Variants in PCDHB12 observed in about 807,000 individuals in gnomAD.
PCDHB12 encodes protocadherin beta 12.
For missense variants in PCDHB12, 1,192 were observed against 998.2 expected (o/e 1.19, Z -2.62); for synonymous variants, 560 against 445.2 (o/e 1.26, Z -3.24).
Position 141,209,566 on chromosome 5 carries a change from C to A in PCDHB12, c.659C>A (p.Pro220His), listed in dbSNP as rs1554286688. The change falls in exon 1 of 1, where the codon CCT (proline) becomes CAT (histidine). Residue 220 changes from proline (P) to histidine (H), a missense_variant. Coordinates refer to ENST00000239450, the MANE Select transcript of PCDHB12 (RefSeq NM_018932.4). ...FILTALDGGSPPRSGTALVRV... is the reference protein window; with the variant it reads ...FILTALDGGSHPRSGTALVRV... ...CTCACTGCTCTGGATGGCGGGTCCC[C>A]TCCCAGGTCTGGAACTGCCTTGGTC... 5.0e-6 allele frequency: 8 copies of A among 1,614,148 alleles called. No homozygotes were observed. The highest frequency in any genetic ancestry group is 5.9e-6 in the Non-Finnish European group (7 of 1,180,044).
Position 141,210,239 on chromosome 5 carries a change from CAAT to C in PCDHB12, c.1333_1335del (p.Asn445del). Reference sequence around the variant, plus strand: ...ACATAACCGTGCTGGTCTCCGACGTCAATGACAACGCCCCCGCCTTCACCCAAA... The same window carrying C: ...ACATAACCGTGCTGGTCTCCGACGTCGACAACGCCCCCGCCTTCACCCAAA... On this transcript the variant is annotated inframe_deletion, in exon 1 of 1. Coordinates refer to ENST00000239450, the MANE Select transcript of PCDHB12 (RefSeq NM_018932.4). 6.2e-7 allele frequency: 1 copy of C among 1,614,194 alleles called. No individual in the cohort carries two copies. Among genetic ancestry groups the C allele is most frequent in the Non-Finnish European group, 8.5e-7 (1 of 1,180,030 alleles).
chr5:141,209,780 A>T lies in PCDHB12; in HGVS notation c.873A>T (p.Thr291=). ...ATGCCTCAGAAGATATTCGCAAGAC[A>T]TTTGAAATTAATCAAAAGTCTGGTG... ...FSHASEDIRK[T]FEINQKSGDI... The change falls in exon 1 of 1, where the codon ACA becomes ACT. Residue 291 remains threonine, a synonymous_variant. Transcript: ENST00000239450. The T allele has an allele frequency of 6.2e-7, 1 of 1,614,250 alleles. No homozygotes were observed. Among genetic ancestry groups the T allele is most frequent in the Non-Finnish European group, 8.5e-7 (1 of 1,180,040 alleles).
At position 141,210,907 on chromosome 5, in the gene PCDHB12, C is replaced by T. The variant is rs1754439389; in HGVS notation, c.2000C>T (p.Ser667Phe). 6.2e-7 allele frequency: 1 copy of T among 1,609,258 alleles called. No homozygotes were observed. The highest frequency in any genetic ancestry group is 8.5e-7 in the Non-Finnish European group (1 of 1,179,688). Reference protein sequence around the residue: ...TLHVLLVDGFSQPYLPLPEAA... With the variant: ...TLHVLLVDGFFQPYLPLPEAA... ...CACGTGCTCCTGGTGGACGGCTTCT[C>T]CCAGCCCTACCTGCCTCTCCCGGAG... The change falls in exon 1 of 1, where the codon TCC (serine) becomes TTC (phenylalanine). Residue 667 changes from serine to phenylalanine, a missense_variant. Ser to Phe is a radical substitution (Grantham distance 155). Transcript: ENST00000239450.
At position 141,210,557 on chromosome 5, in the gene PCDHB12, G is replaced by A; in HGVS notation, c.1650G>A (p.Leu550=). The part of the protein sequence containing the change: ...ALSSEALVRV[L]VLDANDNSPF... ...GCAGCGAGGCGCTGGTGCGCGTGCTGGTGCTGGACGCCAACGACAACTCGC... is the reference window on the plus strand; with the variant it reads ...GCAGCGAGGCGCTGGTGCGCGTGCTAGTGCTGGACGCCAACGACAACTCGC... Residue 550 remains leucine, a synonymous_variant, in exon 1 of 1, where the codon CTG becomes CTA. Coordinates refer to ENST00000239450, the MANE Select transcript of PCDHB12 (RefSeq NM_018932.4). 1 of 1,611,798 alleles carries A rather than the reference G, an allele frequency of 6.2e-7. No individual in the cohort carries two copies. Among genetic ancestry groups the A allele is most frequent in the South Asian group, 1.1e-5 (1 of 90,978 alleles).
Position 141,209,189 on chromosome 5 carries a change from G to A in PCDHB12, c.282G>A (p.Glu94=), listed in dbSNP as rs1554286610. 9 of 1,614,058 alleles carry A rather than the reference G, an allele frequency of 5.6e-6. No homozygotes were observed. Among genetic ancestry groups the A allele is most frequent in the Non-Finnish European group, 7.6e-6 (9 of 1,180,038 alleles). Reference sequence around the variant, plus strand: ...TGAGAGAAATGCTAGACAGGGAGGAGCTCTGTGGCTCCAATGAGCCTTGTG... The same window carrying A: ...TGAGAGAAATGCTAGACAGGGAGGAACTCTGTGGCTCCAATGAGCCTTGTG... ...LLLREMLDRE[E]LCGSNEPCVL... is the part of the protein sequence containing the mutation. The change falls in exon 1 of 1, where the codon GAG becomes GAA. Residue 94 remains glutamate (E), a synonymous_variant. Transcript: ENST00000239450.
At position 141,209,939 on chromosome 5, in the gene PCDHB12, T is replaced by C; in HGVS notation, c.1032T>C (p.Ala344=). 6.2e-7 allele frequency: 1 copy of C among 1,614,120 alleles called. No individual in the cohort carries two copies. Among genetic ancestry groups the C allele is most frequent in the South Asian group, 1.1e-5 (1 of 91,062 alleles). ...AGGTGATGGATGTAAACGACAACGC[T>C]CCTGAAATCACTGTGTCATCAATTA... is the stretch of plus-strand genomic sequence containing the variant. The part of the protein sequence containing the change: ...RIQVMDVNDN[A]PEITVSSITS... The change falls in exon 1 of 1, where the codon GCT becomes GCC. Residue 344 remains alanine, a synonymous_variant. Coordinates refer to ENST00000239450, the MANE Select transcript of PCDHB12 (RefSeq NM_018932.4).
Position 141,208,917 on chromosome 5 carries a change from G to C in PCDHB12, c.10G>C (p.Gly4Arg). Residue 4 changes from glycine (G) to arginine (R), a missense_variant, in exon 1 of 1, where the codon GGA becomes CGA. By Grantham distance (125) the Gly-to-Arg change is moderately radical. Coordinates refer to ENST00000239450, the MANE Select transcript of PCDHB12 (RefSeq NM_018932.4). MENGGAGTLQIRQV... is the reference protein window; with the variant it reads MENRGAGTLQIRQV... ...TTTTGGAAAAGAAGCTATGGAAAAC[G>C]GAGGGGCAGGCACTCTGCAGATAAG... 6.6e-7 allele frequency: 1 copy of C among 1,515,888 alleles called. No homozygotes were observed. The highest frequency in any genetic ancestry group is 8.8e-7 in the Non-Finnish European group (1 of 1,134,914). 93.9% of individuals were successfully genotyped at this position (1,515,888 alleles called of 1,614,324 possible).
In PCDHB12 at chr5:141,208,851, G is replaced by C; in HGVS notation, c.-57G>C. ...GATCAGAGGCACGTTTCCCACAACT[G>C]CGAAGAGGCGCTGAGGCAATTCTGC... is the stretch of plus-strand genomic sequence containing the variant. On this transcript the variant is annotated 5_prime_UTR_variant, in exon 1 of 1. Coordinates refer to ENST00000239450, the MANE Select transcript of PCDHB12 (RefSeq NM_018932.4). 6.8e-7 allele frequency: 1 copy of C among 1,460,042 alleles called. No homozygotes were observed. Among genetic ancestry groups the C allele is most frequent in the Non-Finnish European group, 9.2e-7 (1 of 1,088,794 alleles). The allele number at this position is 1,460,042 out of a possible 1,614,324, so 90.4% of individuals were successfully genotyped here.
In PCDHB12 at chr5:141,210,545, G is replaced by C. The variant is rs1554286975; in HGVS notation, c.1638G>C (p.Leu546=). The change falls in exon 1 of 1, where the codon CTG becomes CTC. Residue 546 remains leucine (L), a synonymous_variant. Transcript: ENST00000239450. ...CCCCGGCTTTGAGCAGCGAGGCGCT[G>C]GTGCGCGTGCTGGTGCTGGACGCCA... is the stretch of plus-strand genomic sequence containing the variant. ...HGSPALSSEA[L]VRVLVLDAND... 1.2e-6 allele frequency: 2 copies of C among 1,611,750 alleles called. No individual in the cohort carries two copies. Among genetic ancestry groups the C allele is most frequent in the Non-Finnish European group, 1.7e-6 (2 of 1,179,736 alleles).
rs142953283 is a variant in PCDHB12 at position 141,208,980 on chromosome 5, C to T, written c.73C>T (p.Gln25Ter). 4 of 1,591,994 alleles carry T rather than the reference C, an allele frequency of 2.5e-6. No individual in the cohort carries two copies. Among genetic ancestry groups the T allele is most frequent in the Admixed American group, 1.8e-5 (1 of 56,278 alleles). Residue 25 changes from glutamine to a stop codon, truncating the protein, a stop_gained, in exon 1 of 1, where the codon CAG becomes TAG. Coordinates refer to ENST00000239450, the MANE Select transcript of PCDHB12 (RefSeq NM_018932.4). LOFTEE classifies it low-confidence loss of function (END_TRUNC). ...LLFFVLLGMS[Q>*]AGSETGNFLV... ...TTTCTTTGTTTTGCTGGGAATGTCT[C>T]AGGCGGGCTCTGAAACTGGGAACTT...
Position 141,208,984 on chromosome 5 carries a change from CG to C in PCDHB12, c.80del (p.Gly27AlafsTer9), listed in dbSNP as rs1432932930. 5.0e-6 allele frequency: 8 copies of C among 1,594,640 alleles called. No homozygotes were observed. Among genetic ancestry groups the C allele is most frequent in the Non-Finnish European group, 6.0e-6 (7 of 1,171,978 alleles). Reference sequence around the variant, plus strand: ...TTTGTTTTGCTGGGAATGTCTCAGGCGGGCTCTGAAACTGGGAACTTTTTGG... The same window carrying C: ...TTTGTTTTGCTGGGAATGTCTCAGGCGGCTCTGAAACTGGGAACTTTTTGG... ...LFFVLLGMSQ[A>X]GSETGNFLVM... On this transcript the variant is annotated frameshift_variant, in exon 1 of 1. Transcript: ENST00000239450. LOFTEE classifies it low-confidence loss of function (END_TRUNC).
Position 141,209,432 on chromosome 5 carries a change from C to T in PCDHB12, c.525C>T (p.Asn175=), listed in dbSNP as rs191786599. ...NAVKSYTINP[N]SHFHVKIRVN... ...TAAAAAGCTACACAATAAATCCGAA[C>T]TCTCATTTCCACGTTAAAATAAGAG... Residue 175 remains asparagine (N), a synonymous_variant, in exon 1 of 1, where the codon AAC becomes AAT. Transcript: ENST00000239450. The T allele has an allele frequency of 1.1e-5, 17 of 1,614,240 alleles. No individual in the cohort carries two copies. The East Asian group carries it at 3.8e-4, about 36-fold the overall frequency.
In PCDHB12 at chr5:141,209,966, C is replaced by T. The variant is rs1554286780; in HGVS notation, c.1059C>T (p.Thr353=). ...CTGAAATCACTGTGTCATCAATTACCAGTCCAATCCCAGAAAACACTCCAG... is the reference window on the plus strand; with the variant it reads ...CTGAAATCACTGTGTCATCAATTACTAGTCCAATCCCAGAAAACACTCCAG... ...NAPEITVSSI[T]SPIPENTPET... is the part of the protein sequence containing the mutation. Residue 353 remains threonine, a synonymous_variant, in exon 1 of 1, where the codon ACC becomes ACT. Transcript: ENST00000239450. 1 of 1,614,172 alleles carries T rather than the reference C, an allele frequency of 6.2e-7. No homozygotes were observed. Among genetic ancestry groups the T allele is most frequent in the East Asian group, 2.2e-5 (1 of 44,888 alleles).
chr5:141,209,123 A>C lies in PCDHB12; in HGVS notation c.216A>C (p.Lys72Asn), dbSNP rs782237086. The C allele has an allele frequency of 2.5e-6, 4 of 1,614,184 alleles. No individual in the cohort carries two copies. In the South Asian group the frequency reaches 4.4e-5, roughly 18 times the overall value. Residue 72 changes from lysine to asparagine, a missense_variant, in exon 1 of 1, where the codon AAA becomes AAC. Physicochemically the swap from Lys to Asn is moderately conservative, Grantham distance 94. Coordinates refer to ENST00000239450, the MANE Select transcript of PCDHB12 (RefSeq NM_018932.4). Reference sequence around the variant, plus strand: ...CTCGGGTGGTTTCTAATGATAACAAAGAGTGTTTGCAGCTGGACACAAACA... The same window carrying C: ...CTCGGGTGGTTTCTAATGATAACAACGAGTGTTTGCAGCTGGACACAAACA... ...RGARVVSNDN[K>N]ECLQLDTNTG...
rs1554287005 is a variant in PCDHB12, at chr5:141,210,640, G to T, written c.1733G>T (p.Trp578Leu). Residue 578 changes from tryptophan to leucine, a missense_variant, in exon 1 of 1, where the codon TGG (tryptophan) becomes TTG (leucine). Coordinates refer to ENST00000239450, the MANE Select transcript of PCDHB12 (RefSeq NM_018932.4). The stretch of plus-strand genomic sequence containing the variant: ...GCGCCCTGCACCGAGCTGGTGCCCT[G>T]GGCGGCCGAGCCGGGCTACCTGGTG... Reference protein sequence around the residue: ...GSAPCTELVPWAAEPGYLVTK... With the variant: ...GSAPCTELVPLAAEPGYLVTK... The T allele has an allele frequency of 2.5e-6, 4 of 1,611,314 alleles. No homozygotes were observed.
rs781954735 is a variant in PCDHB12, at chr5:141,210,890, C to T, written c.1983C>T (p.Leu661=). The T allele has an allele frequency of 8.1e-6, 13 of 1,607,858 alleles. No homozygotes were observed. In the South Asian group the frequency reaches 1.4e-4, roughly 18 times the overall value. ...CGGCCACCGCCACGCTGCACGTGCT[C>T]CTGGTGGACGGCTTCTCCCAGCCCT... ...PRSATATLHV[L]LVDGFSQPYL... Residue 661 remains leucine (L), a synonymous_variant, in exon 1 of 1, where the codon CTC becomes CTT. Coordinates refer to ENST00000239450, the MANE Select transcript of PCDHB12 (RefSeq NM_018932.4).
chr5:141,209,044 GAAATTTGGC>G lies in PCDHB12; in HGVS notation c.141_149del (p.Asn47_Ala49del). On this transcript the variant is annotated inframe_deletion, in exon 1 of 1. Transcript: ENST00000239450. Reference sequence around the variant, plus strand: ...GAATTGCAGAGCGGGAGCTTTGTAGGAAATTTGGCAAAGACCCTGGGACTCGAGGTGAGT... The same window carrying G: ...GAATTGCAGAGCGGGAGCTTTGTAGGAAAGACCCTGGGACTCGAGGTGAGT... The G allele has an allele frequency of 6.2e-7, 1 of 1,611,302 alleles. No individual in the cohort carries two copies. The highest frequency in any genetic ancestry group is 8.5e-7 in the Non-Finnish European group (1 of 1,178,570).
Position 141,211,063 on chromosome 5 carries a change from C to G in PCDHB12, c.2156C>G (p.Ala719Gly), listed in dbSNP as rs1262281135. 6.2e-7 allele frequency: 1 copy of G among 1,613,192 alleles called. No homozygotes were observed. The highest frequency in any genetic ancestry group is 8.5e-7 in the Non-Finnish European group (1 of 1,180,024). The change falls in exon 1 of 1, where the codon GCG becomes GGG. Residue 719 changes from alanine (A) to glycine (G), a missense_variant. Coordinates refer to ENST00000239450, the MANE Select transcript of PCDHB12 (RefSeq NM_018932.4). ...VAVRLCRRSR[A>G]APVGRCSVPE... ...GTGCGGCTGTGCAGGAGGAGCAGGG[C>G]GGCCCCGGTCGGTCGCTGCTCGGTG...
chr5:141,208,793 A>G lies in PCDHB12; in HGVS notation c.-115A>G, dbSNP rs1554286546. ...AACCTAGAAGCCATTCAACAAGGTT[A>G]AAATCTTCAGGCTTCCGAGGATTTG... On this transcript the variant is annotated 5_prime_UTR_variant, in exon 1 of 1. Coordinates refer to ENST00000239450, the MANE Select transcript of PCDHB12 (RefSeq NM_018932.4). 2.2e-6 allele frequency: 2 copies of G among 920,778 alleles called. No homozygotes were observed. The highest frequency in any genetic ancestry group is 3.2e-6 in the Non-Finnish European group (2 of 617,874). The allele number at this position is 920,778 out of a possible 1,614,324, so 57.0% of individuals were successfully genotyped here. A position where few individuals can be genotyped will look rare whatever the true frequency, so the allele number is the denominator to read the frequency against.
Sources: gnomAD v4.1 joint callset for allele counts on GRCh38, gnomAD v4.1.1 for gene constraint, MANE v1.5 for transcripts, NCBI Gene and HGNC (gene_info 2026-07-23, HGNC 2026-07-21) for gene names.